ZNF140: variants seen among roughly 807,000 people sequenced by gnomAD.
The protein encoded by ZNF140 is zinc finger protein 140 (clone pHZ-39).
ZNF140 carries 13 observed loss-of-function variants against 12.9 expected under a neutral mutation model. The observed-to-expected ratio is 1.01, with a 90% CI of 0.66 to 1.60. The LOEUF (loss-of-function observed/expected upper bound fraction) is 1.60. ZNF140 is among the 40% of genes most tolerant of loss of function. The probability of loss-of-function intolerance (pLI) is 0.00; values close to 1 mark genes in which losing one functional copy is unlikely to be tolerated. For missense variants in ZNF140, 531 were observed against 548.8 expected (o/e 0.97, Z 0.32); for synonymous variants, 214 against 186.7 (o/e 1.15, Z -1.19).
At chr12:133,098,181 T>C (rs967466453) in intron 4 of ZNF140, among the ~76,000 whole-genome samples, 16 of 152,302 alleles carry the variant, frequency 1.1e-4, no homozygotes, top group African/African-American at 3.6e-4. Flanking sequence ...CATTTTCTCT[T>C]CTTTCTTAGC....
intron 4 of ZNF140, among the ~76,000 whole-genome samples, chr12:133,099,163 A>G (rs1374996971): frequency 5.1e-5 from 7 of 137,832 alleles, no homozygotes; most frequent in African/African-American, 1.9e-4. Context: ...GCGTGAGCCA[A>G]CGTGCCCAGC....
chr12:133,095,888 A>AGG (rs1235472803), intron 4 of ZNF140, among the ~76,000 whole-genome samples: 3 of 151,954 alleles, frequency 2.0e-5, no homozygotes, highest in Non-Finnish European at 4.4e-5. Context: ...CTCCCACCAT[A>AGG]GGGCGGTTTT....
intron 4 of ZNF140, among the ~76,000 whole-genome samples, chr12:133,095,365 C>T (rs2137536535): frequency 6.6e-6 from 1 of 151,050 alleles, no homozygotes; most frequent in African/African-American, 2.5e-5. Context: ...AAGCTTACCG[C>T]AAGGCTGACT....
intron 4 of ZNF140, among the ~76,000 whole-genome samples, chr12:133,096,401 T>G (rs1185811807): frequency 5.9e-5 from 9 of 152,302 alleles, no homozygotes; most frequent in African/African-American, 2.2e-4. Flanking sequence ...TACAGGTCTT[T>G]TTCAAAATGG....
At chr12:133,104,094 A>AT (rs1457170454) in intron 4 of ZNF140, among the ~76,000 whole-genome samples, 11 of 152,306 alleles carry the variant, frequency 7.2e-5, no homozygotes, top group Non-Finnish European at 1.5e-4. Context: ...AACAGATAAC[A>AT]TTTTTCCCAA....
intron 4 of ZNF140, among the ~76,000 whole-genome samples, chr12:133,083,847 C>T (rs1461878663): frequency 6.6e-6 from 1 of 151,826 alleles, no homozygotes; most frequent in Non-Finnish European, 1.5e-5. Context: ...GTAGTCCCAG[C>T]TACTTGGGAG....
chr12:133,090,623 A>G (rs1954823604), intron 4 of ZNF140, among the ~76,000 whole-genome samples: 1 of 146,162 alleles, frequency 6.8e-6, no homozygotes, highest in South Asian at 2.3e-4. Context: ...CACAGAGACA[A>G]AGTATAGAGA....
intron 4 of ZNF140, among the ~76,000 whole-genome samples, chr12:133,091,591 C>T (rs1954894431): frequency 1.3e-5 from 2 of 150,550 alleles, no homozygotes; most frequent in Non-Finnish European, 1.5e-5. Flanking sequence ...CATCATGACC[C>T]GTTCTCGCTG....
At chr12:133,097,513 G>C (rs1021101064) in intron 4 of ZNF140, among the ~76,000 whole-genome samples, 30 of 151,692 alleles carry the variant, frequency 2.0e-4, no homozygotes, top group African/African-American at 6.5e-4. Flanking sequence ...TGTGGTGGTG[G>C]GCACCTATAG....
intron 3 of ZNF140, 75 bp from the exon 4 acceptor site, chr12:133,083,391 C>T (rs76906414): frequency 0.17 from 258,962 of 1,538,660 alleles, 23,189 homozygotes; most frequent in South Asian, 0.21. Context: ...TAAAAACTTA[C>T]ATCTGACATT....
chr12:133,101,670 C>T (rs911959828), intron 4 of ZNF140, among the ~76,000 whole-genome samples: 3 of 152,140 alleles, frequency 2.0e-5, no homozygotes, highest in Non-Finnish European at 4.4e-5. Flanking sequence ...GTCTTGATCT[C>T]CTGACCTTGT....
chr12:133,106,118 G>A lies in ZNF140; in HGVS notation c.841G>A (p.Ala281Thr). The A allele has an allele frequency of 6.2e-7, 1 of 1,614,150 alleles. No homozygotes were observed. Among genetic ancestry groups the A allele is most frequent in the Non-Finnish European group, 8.5e-7 (1 of 1,180,028 alleles). ...KQYICRKCGK[A>T]FSSGSELIRH... Reference sequence around the variant, plus strand: ...ATATATATGTAGGAAATGTGGTAAAGCATTTAGCAGTGGCTCAGAACTCAT... The same window carrying A: ...ATATATATGTAGGAAATGTGGTAAAACATTTAGCAGTGGCTCAGAACTCAT... The change falls in exon 5 of 5, where the codon GCA (alanine) becomes ACA (threonine). Residue 281 changes from alanine to threonine, a missense_variant. Transcript: ENST00000355557.
At chr12:133,096,696 C>T (rs535401014) in intron 4 of ZNF140, among the ~76,000 whole-genome samples, 1 of 152,282 alleles carries the variant, frequency 6.6e-6, no homozygotes, top group South Asian at 2.1e-4. Flanking sequence ...CTTTCTGTTA[C>T]TGATTTCTGG....
chr12:133,082,831 A>G (rs114869499), intron 2 of ZNF140: 5,271 of 281,880 alleles, frequency 0.019, 239 homozygotes, highest in African/African-American at 0.1. Flanking sequence ...AATGCCAAAA[A>G]TCCATATTGT....
At chr12:133,093,339 T>C (rs1954957109) in intron 4 of ZNF140, 1 of 666,308 alleles carries the variant, frequency 1.5e-6, no homozygotes. Context: ...ATAGGGAGAC[T>C]TACCACCGTT....
intron 2 of ZNF140, 23 bp downstream of exon 2, chr12:133,081,352 T>TATATATAC: frequency 4.1e-6 from 1 of 246,212 alleles, no homozygotes; most frequent in South Asian, 8.8e-5. Context: ...TTGATAAATA[T>TATATATAC]ATATATATAT....
At chr12:133,087,654 T>A (rs1954718533) in intron 4 of ZNF140, among the ~76,000 whole-genome samples, 1 of 152,214 alleles carries the variant, frequency 6.6e-6, no homozygotes, top group Non-Finnish European at 1.5e-5. Context: ...ATGATGCTGA[T>A]GCTGAACTAA....
At chr12:133,092,004 T>G (rs1954908387) in intron 4 of ZNF140, among the ~76,000 whole-genome samples, 1 of 150,976 alleles carries the variant, frequency 6.6e-6, no homozygotes, top group Non-Finnish European at 1.5e-5. Context: ...CAAATGACAG[T>G]TTGTCTAAGA....
In ZNF140 at chr12:133,106,280, A is replaced by G. The variant is rs142419506; in HGVS notation, c.1003A>G (p.Arg335Gly). ...AACCCCGTATGAATGTAATGAATGT[A>G]GGAAAGCTTTCCGTTGTCACTCATT... The part of the protein sequence containing the change: ...TKTPYECNEC[R>G]KAFRCHSFLI... The change falls in exon 5 of 5, where the codon AGG becomes GGG. Residue 335 changes from arginine (R) to glycine (G), a missense_variant. Coordinates refer to ENST00000355557, the MANE Select transcript of ZNF140 (RefSeq NM_003440.4). The G allele has an allele frequency of 5.6e-5, 90 of 1,614,204 alleles. No homozygotes were observed. In the African/African-American group the frequency reaches 1.2e-3, roughly 21 times the overall value.
Sources: gnomAD v4.1 joint callset for allele counts (sites outside exome capture counted in the v4.1 genomes callset) on GRCh38, gnomAD v4.1.1 for gene constraint, MANE v1.5 for transcripts, NCBI Gene and HGNC (gene_info 2026-07-23, HGNC 2026-07-21) for gene names.